Variants in CHM observed in about 807,000 individuals in gnomAD.
CHM encodes CHM Rab escort protein.
In CHM, 10 loss-of-function variants were observed where a neutral mutation model predicts 49.0. The ratio of observed to expected loss-of-function variants is 0.20; its 90% CI spans 0.13 to 0.35. The LOEUF is 0.35. Ranked by LOEUF, CHM falls within the 10% of genes least tolerant of loss-of-function variation. The pLI is 1.00. For missense variants in CHM, 455 were observed against 478.4 expected, an observed-to-expected ratio of 0.95 and a Z score of 0.46; for synonymous variants, 184 against 167.5, an observed-to-expected ratio of 1.10 and a Z score of -0.76.
At chrX:85,931,906 T>TTGCACTA (rs1928458284) in intron 8 of CHM, among the ~76,000 whole-genome samples, 1 of 112,566 alleles carries the variant, frequency 8.9e-6, no homozygotes, top group Non-Finnish European at 1.9e-5. Flanking sequence ...TCAAAGTACC[T>TTGCACTA]TGCACTATGC....
At chrX:86,029,568 C>T (rs1434403631) in intron 1 of CHM, among the ~76,000 whole-genome samples, 1 of 111,633 alleles carries the variant, frequency 9.0e-6, no homozygotes, top group Non-Finnish European at 1.9e-5. Flanking sequence ...AGGAGGCAGG[C>T]AGTATTATCT....
chrX:86,034,920 G>C (rs1397787911), intron 1 of CHM, among the ~76,000 whole-genome samples: 1 of 112,427 alleles, frequency 8.9e-6, no homozygotes, highest in Non-Finnish European at 1.9e-5. Flanking sequence ...ACCATTCTGA[G>C]AACAGCAGCA....
chrX:85,962,334 T>G (rs1280534717), intron 5 of CHM, among the ~76,000 whole-genome samples: 1 of 112,013 alleles, frequency 8.9e-6, no homozygotes, highest in Non-Finnish European at 1.9e-5. Context: ...AGGGTCAAAG[T>G]AGATGGAGGT....
chrX:85,935,916 C>A (rs1928754845), intron 8 of CHM, among the ~76,000 whole-genome samples: 1 of 111,967 alleles, frequency 8.9e-6, no homozygotes, highest in Non-Finnish European at 1.9e-5. Context: ...CAAATTATTT[C>A]TCTAGTACAT....
At chrX:85,917,317 G>C (rs1286040845) in intron 8 of CHM, among the ~76,000 whole-genome samples, 1 of 111,139 alleles carries the variant, frequency 9.0e-6, no homozygotes, top group African/African-American at 3.3e-5. Context: ...GGAGGAGGGA[G>C]AGGATCAGGA....
intron 1 of CHM, among the ~76,000 whole-genome samples, chrX:86,029,900 T>C (rs930071124): frequency 8.9e-6 from 1 of 111,836 alleles, no homozygotes; most frequent in Non-Finnish European, 1.9e-5. Context: ...GTTCTGTTGT[T>C]AGCAAGGGTA....
At chrX:85,911,139 A>G (rs1212021491) in intron 9 of CHM, 122 bp downstream of exon 9, 4 of 4,794 alleles carry the variant, frequency 8.3e-4, no homozygotes, top group African/African-American at 2.2e-3. Context: ...GTATATATAT[A>G]TATATATATA....
chrX:85,964,846 G>A (rs756047858), intron 4 of CHM, among the ~76,000 whole-genome samples: 1 of 100,247 alleles, frequency 1.0e-5, no homozygotes, highest in Admixed American at 1.0e-4. Context: ...CAGTCTGCCT[G>A]CTTTATGAAT....
chrX:85,941,759 GA>G (rs374268072), intron 8 of CHM, among the ~76,000 whole-genome samples: 54 of 107,509 alleles, frequency 5.0e-4, no homozygotes, highest in South Asian at 2.8e-3. Context: ...GTCTATTTAC[GA>G]AAAAAAAAAT....
chrX:85,928,350 C>G (rs1928213526), intron 8 of CHM, among the ~76,000 whole-genome samples: 1 of 111,277 alleles, frequency 9.0e-6, no homozygotes, highest in Non-Finnish European at 1.9e-5. Flanking sequence ...TGAGACCATC[C>G]TGGCCAACAT....
At chrX:86,019,158 A>G (rs1405776109) in intron 2 of CHM, among the ~76,000 whole-genome samples, 1 of 111,660 alleles carries the variant, frequency 9.0e-6, no homozygotes, top group Admixed American at 9.6e-5. Flanking sequence ...ATGTTCTGTC[A>G]TGAGTGTTGG....
At chrX:85,990,092 T>C (rs1384388551) in intron 2 of CHM, among the ~76,000 whole-genome samples, 4 of 112,305 alleles carry the variant, frequency 3.6e-5, no homozygotes, top group African/African-American at 1.3e-4. Flanking sequence ...TCAACTTAAA[T>C]GTGCATCAAT....
intron 2 of CHM, among the ~76,000 whole-genome samples, chrX:86,020,289 C>T (rs1045537264): frequency 2.6e-4 from 29 of 111,003 alleles, no homozygotes; most frequent in African/African-American, 9.2e-4. Context: ...ATTAGTCACG[C>T]CTTTAATCTG....
chrX:85,928,541 C>CA (rs1195122623), intron 8 of CHM, among the ~76,000 whole-genome samples: 1 of 110,867 alleles, frequency 9.0e-6, no homozygotes, highest in Non-Finnish European at 1.9e-5. Context: ...GACTCCGTTT[C>CA]AAAAAAATAA....
intron 9 of CHM, among the ~76,000 whole-genome samples, chrX:85,907,636 T>C (rs1926683153): frequency 1.8e-5 from 2 of 112,000 alleles, no homozygotes; most frequent in Admixed American, 9.5e-5. Context: ...ACATATTCCA[T>C]ATACCATGAT....
chrX:86,002,785 A>G (rs1174113549), intron 2 of CHM, among the ~76,000 whole-genome samples: 1 of 112,709 alleles, frequency 8.9e-6, no homozygotes, highest in Non-Finnish European at 1.9e-5. Flanking sequence ...TACTGCCTCT[A>G]GACTCCAACT....
At chrX:85,967,245 T>A (rs1390739060) in intron 4 of CHM, among the ~76,000 whole-genome samples, 1 of 112,165 alleles carries the variant, frequency 8.9e-6, no homozygotes, top group Admixed American at 9.5e-5. Context: ...TTTCCCCAAA[T>A]TTAAAACTTT....
intron 8 of CHM, among the ~76,000 whole-genome samples, chrX:85,928,732 T>G (rs918078937): frequency 8.1e-5 from 9 of 111,427 alleles, no homozygotes; most frequent in Non-Finnish European, 1.9e-5. Context: ...GGTCTTTGCC[T>G]TAACCGGAGT....
chrX:85,876,149 A>G, intron 13 of CHM, among the ~76,000 whole-genome samples: 1 of 111,575 alleles, frequency 9.0e-6, no homozygotes, highest in Non-Finnish European at 1.9e-5. Flanking sequence ...CTGGGGGAGA[A>G]GCAAAGCAAG....
Sources: gnomAD v4.1 joint callset for allele counts (sites outside exome capture counted in the v4.1 genomes callset) on GRCh38, gnomAD v4.1.1 for gene constraint, MANE v1.5 for transcripts, NCBI Gene and HGNC (gene_info 2026-07-23, HGNC 2026-07-21) for gene names.